SLC4A5: variants seen among roughly 807,000 people sequenced by gnomAD.
SLC4A5 encodes the protein electrogenic sodium bicarbonate cotransporter 4.
A neutral mutation model predicts 120.4 loss-of-function variants in SLC4A5; 96 were observed. The observed-to-expected ratio is 0.80, with a 90% CI of 0.68 to 0.94. The LOEUF is 0.94. Among genes scored for constraint, SLC4A5 ranks in the 40% least tolerant of loss-of-function variants. SLC4A5 has a pLI of 0.00. For missense variants in SLC4A5, 1,259 were observed against 1,459.5 expected (o/e 0.86, Z 2.24); for synonymous variants, 550 against 571.1 (o/e 0.96, Z 0.53).
rs1468691634 is a variant in SLC4A5, at chr2:74,309,070, A to G, written c.80-4390T>C. ...GCTGAGATCACAGGCATGCATCACC[A>G]CACCCAGCTATTTTTTTTTTTTTAA... On this transcript the variant is annotated intron_variant, in intron 6 of 30. Transcript: ENST00000394019. 4.0e-5 allele frequency among the ~76,000 whole-genome samples: 6 copies of G among 150,382 alleles called. No homozygotes were observed. The East Asian group carries it at 1.2e-3, about 29-fold the overall frequency.
chr2:74,329,571 A>C (rs1673300027), intron 4 of SLC4A5, among the ~76,000 whole-genome samples: 1 of 151,724 alleles, frequency 6.6e-6, no homozygotes. Context: ...CCTGGGCAAC[A>C]CGGCGAGGCT....
intron 20 of SLC4A5, 116 bp from the exon 21 acceptor site, chr2:74,239,651 A>G (rs554796290): frequency 1.1e-6 from 1 of 936,592 alleles, no homozygotes; most frequent in East Asian, 2.5e-5. Context: ...GAGGGACCCC[A>G]GCCCCCCAGA....
At position 74,270,776 on chromosome 2, in the gene SLC4A5, G is replaced by A. The variant is rs574436248; in HGVS notation, c.402-5512C>T. 7.2e-5 allele frequency among the ~76,000 whole-genome samples: 11 copies of A among 152,342 alleles called. No homozygotes were observed. In the South Asian group the frequency reaches 2.3e-3, roughly 32 times the overall value. ...CGGGTTATCTGACTGCACCCTGTGGGTTCAGGAGCCCCTGCTCTGTAGGTA... is the reference window on the plus strand; with the variant it reads ...CGGGTTATCTGACTGCACCCTGTGGATTCAGGAGCCCCTGCTCTGTAGGTA... On this transcript the variant is annotated intron_variant, in intron 8 of 30. Transcript: ENST00000394019.
At chr2:74,264,152 G>A (rs1671227237) in exon 10 of SLC4A5, 9 of 1,613,670 alleles carry the variant, frequency 5.6e-6, no homozygotes, top group Middle Eastern at 1.7e-4. Context: ...CTCACTTGTG[G>A]TGGAGACTGA....
intron 8 of SLC4A5, among the ~76,000 whole-genome samples, chr2:74,271,693 C>A (rs1030602679): frequency 4.0e-5 from 6 of 151,590 alleles, no homozygotes; most frequent in African/African-American, 1.5e-4. Flanking sequence ...AATGCTTGCT[C>A]CCTTCTGCTT....
intron 5 of SLC4A5, among the ~76,000 whole-genome samples, chr2:74,322,967 G>A (rs553312873): frequency 1.2e-4 from 19 of 152,244 alleles, no homozygotes; most frequent in African/African-American, 3.4e-4. Flanking sequence ...GGCAGGGTGC[G>A]GTGTCTCACA....
Position 74,288,819 on chromosome 2 carries a change from C to T in SLC4A5, c.272-2917G>A, listed in dbSNP as rs1190945300. 3.3e-5 allele frequency among the ~76,000 whole-genome samples: 5 copies of T among 152,288 alleles called. No homozygotes were observed. In the East Asian group the frequency reaches 5.8e-4, roughly 18 times the overall value. On this transcript the variant is annotated intron_variant, in intron 7 of 30. Transcript: ENST00000394019. ...GTCAACCTCAACATATTCAAAACAGCTCTGCATCCCTTCTCCCATCAACCC... is the reference window on the plus strand; with the variant it reads ...GTCAACCTCAACATATTCAAAACAGTTCTGCATCCCTTCTCCCATCAACCC...
At chr2:74,290,657 C>G in intron 7 of SLC4A5, 1 of 907,020 alleles carries the variant, frequency 1.1e-6, no homozygotes, top group African/African-American at 2.6e-5. Context: ...GAGAAGTGAG[C>G]AAGAGAGAGA....
At chr2:74,293,567 G>A (rs987289951) in intron 7 of SLC4A5, among the ~76,000 whole-genome samples, 1 of 152,202 alleles carries the variant, frequency 6.6e-6, no homozygotes, top group Non-Finnish European at 1.5e-5. Flanking sequence ...GGGCTGGGCT[G>A]CAAAGAGAGG....
intron 30 of SLC4A5, among the ~76,000 whole-genome samples, chr2:74,219,179 GT>G (rs1572995498): frequency 4.0e-4 from 12 of 30,096 alleles, no homozygotes; most frequent in Admixed American, 1.0e-3. Flanking sequence ...CTTTGGAGGT[GT>G]GTGTGTGTGT....
intron 5 of SLC4A5, among the ~76,000 whole-genome samples, chr2:74,317,240 T>C (rs762552980): frequency 2.0e-5 from 3 of 152,204 alleles, no homozygotes; most frequent in Non-Finnish European, 2.9e-5. Context: ...TCTCTCCAAA[T>C]GCATAGATCA....
At chr2:74,333,578 A>G (rs534392002) in intron 4 of SLC4A5, among the ~76,000 whole-genome samples, 43 of 152,354 alleles carry the variant, frequency 2.8e-4, no homozygotes, top group African/African-American at 1.0e-3. Context: ...GAAGTAATCT[A>G]GAGATGATTT....
At chr2:74,269,063 A>G (rs1333420158) in intron 8 of SLC4A5, among the ~76,000 whole-genome samples, 1 of 152,264 alleles carries the variant, frequency 6.6e-6, no homozygotes, top group Non-Finnish European at 1.5e-5. Context: ...GACAAGTTGT[A>G]GCTGACCTTT....
intron 7 of SLC4A5, among the ~76,000 whole-genome samples, chr2:74,303,105 GGT>G (rs1261616160): frequency 3.3e-5 from 5 of 150,100 alleles, no homozygotes; most frequent in Admixed American, 6.7e-5. Flanking sequence ...CTGTGCATGT[GGT>G]GTGTGTGTGC....
chr2:74,216,383 T>C (rs1694445102), exon 31 of SLC4A5: 1 of 152,214 alleles, frequency 6.6e-6, no homozygotes, highest in African/African-American at 2.4e-5. Context: ...ATAAATGACA[T>C]GTAAGGTAAA....
At chr2:74,281,494 G>T (rs1455609557) in intron 8 of SLC4A5, among the ~76,000 whole-genome samples, 1 of 152,184 alleles carries the variant, frequency 6.6e-6, no homozygotes, top group African/African-American at 2.4e-5. Context: ...TTCAGGCAAG[G>T]TCATTATCAG....
chr2:74,259,563 C>T, intron 12 of SLC4A5, 25 bp downstream of exon 12: 2 of 1,613,380 alleles, frequency 1.2e-6, no homozygotes, highest in South Asian at 1.1e-5. Flanking sequence ...CCCTCCATTG[C>T]AGCTAAGTGC....
chr2:74,294,284 C>A (rs3771734), intron 7 of SLC4A5, among the ~76,000 whole-genome samples: 10 of 152,032 alleles, frequency 6.6e-5, no homozygotes, highest in Non-Finnish European at 1.2e-4. Context: ...ATCAGAAAGG[C>A]CCCGAGCATT....
intron 7 of SLC4A5, among the ~76,000 whole-genome samples, chr2:74,288,003 G>A (rs551634264): frequency 1.0e-3 from 155 of 152,278 alleles, no homozygotes; most frequent in African/African-American, 3.6e-3. Flanking sequence ...CCGGCCTGCT[G>A]CCACTGGCTC....
Sources: gnomAD v4.1 joint callset for allele counts (sites outside exome capture counted in the v4.1 genomes callset) on GRCh38, gnomAD v4.1.1 for gene constraint, MANE v1.5 for transcripts, NCBI Gene and HGNC (gene_info 2026-07-23, HGNC 2026-07-21) for gene names.